The following LRRC4C variants were observed in gnomAD, a reference collection of about 807,000 sequenced individuals.
The protein encoded by LRRC4C is leucine rich repeat containing 4C.
Under a neutral mutation model 33.6 loss-of-function variants are expected in LRRC4C, and 5 were observed. The observed-to-expected ratio is 0.15, with a 90% CI of 0.08 to 0.31. The LOEUF (loss-of-function observed/expected upper bound fraction) is 0.31, where lower values mean the gene tolerates loss of function less well. Ranked by LOEUF, LRRC4C falls within the 10% of genes least tolerant of loss-of-function variation. LRRC4C has a pLI of 1.00. For missense variants in LRRC4C, 560 were observed against 796.7 expected (o/e 0.70, Z 3.58); for synonymous variants, 329 against 302.0 (o/e 1.09, Z -0.93).
intron 4 of LRRC4C, among the ~76,000 whole-genome samples, chr11:40,282,547 A>G (rs1358870186): frequency 6.6e-6 from 1 of 152,156 alleles, no homozygotes; most frequent in Non-Finnish European, 1.5e-5. Flanking sequence ...GTGCTTTATC[A>G]TCTGCTATTA....
intron 2 of LRRC4C, among the ~76,000 whole-genome samples, chr11:40,760,166 C>T (rs1293997981): frequency 1.3e-5 from 2 of 151,278 alleles, no homozygotes; most frequent in Non-Finnish European, 2.9e-5. Context: ...AACTTATAAA[C>T]TAAAAATTAA....
rs116010461 is a variant in LRRC4C at position 40,800,458 on chromosome 11, T to G, written c.-407+133177A>C. Among the ~76,000 whole-genome samples, 595 of 152,332 alleles carry G rather than the reference T, an allele frequency of 3.9e-3. 3 individuals are homozygous for G. Among genetic ancestry groups the G allele is most frequent in the African/African-American group, 0.014 (575 of 41,576 alleles). The stretch of plus-strand genomic sequence containing the variant: ...ACATGTATGGAGACTGGATGATTAC[T>G]AAGTCATTCGCCCTTTTCCGAAGTT... On this transcript the variant is annotated intron_variant, in intron 2 of 6. Transcript: ENST00000528697.
chr11:41,168,206 AC>A (rs970206146), intron 1 of LRRC4C, among the ~76,000 whole-genome samples: 1 of 152,198 alleles, frequency 6.6e-6, no homozygotes, highest in African/African-American at 2.4e-5. Context: ...CTGAATGACC[AC>A]CAGGCCAGCT....
chr11:41,450,356 T>TA (rs1383151662), intron 1 of LRRC4C, among the ~76,000 whole-genome samples: 1 of 152,094 alleles, frequency 6.6e-6, no homozygotes, highest in East Asian at 1.9e-4. Flanking sequence ...TGTTTACATT[T>TA]AAAAAAATGT....
chr11:41,328,069 C>A (rs1246984568), intron 1 of LRRC4C, among the ~76,000 whole-genome samples: 1 of 152,162 alleles, frequency 6.6e-6, no homozygotes, highest in African/African-American at 2.4e-5. Flanking sequence ...CTGTGAATGT[C>A]TCTGGGAGGC....
intron 1 of LRRC4C, among the ~76,000 whole-genome samples, chr11:40,948,169 T>C (rs1024360257): frequency 6.6e-6 from 1 of 152,020 alleles, no homozygotes; most frequent in Non-Finnish European, 1.5e-5. Context: ...ATCTGAGTTG[T>C]TTACTCTCCC....
chr11:40,930,902 T>A, intron 2 of LRRC4C, among the ~76,000 whole-genome samples: 1 of 152,214 alleles, frequency 6.6e-6, no homozygotes, highest in East Asian at 1.9e-4. Context: ...ACAGAAAAGT[T>A]AATTAAACAA....
At chr11:40,272,366 C>T (rs1942771821) in intron 4 of LRRC4C, among the ~76,000 whole-genome samples, 1 of 151,988 alleles carries the variant, frequency 6.6e-6, no homozygotes, top group Admixed American at 6.6e-5. Flanking sequence ...CCTTGATTGC[C>T]CATGTCTGAC....
At chr11:40,653,890 T>TCAAA (rs1942951710) in intron 2 of LRRC4C, among the ~76,000 whole-genome samples, 1 of 152,206 alleles carries the variant, frequency 6.6e-6, no homozygotes, top group African/African-American at 2.4e-5. Context: ...TTGCTGTTTT[T>TCAAA]TGCAGCCCTG....
At chr11:40,543,161 G>T (rs2135398710) in intron 3 of LRRC4C, among the ~76,000 whole-genome samples, 1 of 151,964 alleles carries the variant, frequency 6.6e-6, no homozygotes, top group African/African-American at 2.4e-5. Flanking sequence ...GGCCAGTCAT[G>T]CATTACTCTC....
rs117600289 is a variant in LRRC4C, at chr11:40,923,577, A to G, written c.-407+10058T>C. Among the ~76,000 whole-genome samples, 299 of 152,368 alleles carry G rather than the reference A, an allele frequency of 2.0e-3. 1 individual carries two copies. Among genetic ancestry groups the G allele is most frequent in the Admixed American group, 3.3e-3 (51 of 15,308 alleles). ...CCTCCCTCAGCCTGGAGTCCCAAGT[A>G]AAATGACATAGAACAGAGCTGTCTA... On this transcript the variant is annotated intron_variant, in intron 2 of 6. Coordinates refer to ENST00000528697, the MANE Select transcript of LRRC4C (RefSeq NM_001258419.2).
intron 3 of LRRC4C, among the ~76,000 whole-genome samples, chr11:40,599,486 C>A (rs558522559): frequency 5.9e-4 from 89 of 152,058 alleles, no homozygotes; most frequent in Non-Finnish European, 1.1e-3. Context: ...TATTTTCCCA[C>A]TTCTATTTAT....
chr11:40,619,950 T>A, intron 3 of LRRC4C, among the ~76,000 whole-genome samples: 1 of 151,462 alleles, frequency 6.6e-6, no homozygotes, highest in East Asian at 1.9e-4. Flanking sequence ...GTTTTACATT[T>A]TATTCAAACC....
chr11:40,438,010 T>C (rs1951218321), intron 3 of LRRC4C, among the ~76,000 whole-genome samples: 1 of 152,226 alleles, frequency 6.6e-6, no homozygotes, highest in Non-Finnish European at 1.5e-5. Context: ...AGGCCATGAC[T>C]ATTTCATTAG....
chr11:40,730,550 G>T (rs1219840807), intron 2 of LRRC4C, among the ~76,000 whole-genome samples: 2 of 152,138 alleles, frequency 1.3e-5, no homozygotes, highest in African/African-American at 4.8e-5. Context: ...TAGATGAGTT[G>T]AATAAATTCA....
At position 40,880,499 on chromosome 11, in the gene LRRC4C, C is replaced by T. The variant is rs565926818; in HGVS notation, c.-407+53136G>A. On this transcript the variant is annotated intron_variant, in intron 2 of 6. Transcript: ENST00000528697. ...TTATGCCATGGTTCCCTTTGGAAAT[C>T]TGGTGACTCCTACGAACCCCTCCAC... Among the ~76,000 whole-genome samples the T allele has an allele frequency of 7.6e-4, 108 of 142,884 alleles. 2 individuals carry two copies. The South Asian group carries it at 0.024, about 32-fold the overall frequency. The allele number at this position is 142,884 out of a possible 152,430, so 93.7% of individuals were successfully genotyped here.
intron 2 of LRRC4C, among the ~76,000 whole-genome samples, chr11:40,809,779 AC>A (rs1951410264): frequency 6.6e-6 from 1 of 152,162 alleles, no homozygotes; most frequent in African/African-American, 2.4e-5. Context: ...CAAAGTGCAG[AC>A]TCTCAGTAAA....
intron 2 of LRRC4C, among the ~76,000 whole-genome samples, chr11:40,728,320 T>C (rs562205732): frequency 1.6e-4 from 24 of 151,856 alleles, no homozygotes; most frequent in African/African-American, 5.8e-4. Flanking sequence ...AAAGAAATCA[T>C]TTTGGCCGGG....
chr11:40,760,208 A>G (rs1001123198), intron 2 of LRRC4C, among the ~76,000 whole-genome samples: 1 of 152,076 alleles, frequency 6.6e-6, no homozygotes, highest in Admixed American at 6.6e-5. Flanking sequence ...AAAATTGTCA[A>G]AAAATCATAT....
Sources: allele counts gnomAD v4.1 joint callset (sites outside exome capture counted in the v4.1 genomes callset), GRCh38; gene constraint gnomAD v4.1.1; transcripts MANE v1.5; gene names NCBI Gene and HGNC (gene_info 2026-07-23, HGNC 2026-07-21).